Variants in RBM12B observed in about 807,000 individuals in gnomAD.
The protein encoded by RBM12B is RNA binding motif protein 12B.
RBM12B carries 10 observed loss-of-function variants against 34.3 expected under a neutral mutation model. The ratio of observed to expected loss-of-function variants is 0.29; its 90% CI spans 0.18 to 0.49. RBM12B has a LOEUF of 0.49. Ranked by LOEUF, RBM12B falls within the 20% of genes least tolerant of loss-of-function variation. The probability of loss-of-function intolerance (pLI) is 0.99; values close to 1 mark genes in which losing one functional copy is unlikely to be tolerated. For synonymous variants in RBM12B, 477 were observed against 437.1 expected, an observed-to-expected ratio of 1.09 and a Z score of -1.14; for missense variants, 1,139 against 1,262.7, an observed-to-expected ratio of 0.90 and a Z score of 1.48.
chr8:93,733,347 T>C lies in RBM12B; in HGVS notation c.*58A>G. On this transcript the variant is annotated 3_prime_UTR_variant, in exon 4 of 4. Transcript: ENST00000520560. ...AAAAAAAACACTTTTTTAAAACAAA[T>C]GTATTTTACTCCATCAATACTGCAA... 1 of 1,336,262 alleles carries C rather than the reference T, an allele frequency of 7.5e-7. No homozygotes were observed. The highest frequency in any genetic ancestry group is 2.5e-5 in the East Asian group (1 of 40,418). 82.8% of individuals were successfully genotyped at this position (1,336,262 alleles called of 1,614,324 possible). A position where few individuals can be genotyped will look rare whatever the true frequency, so the allele number is the denominator to read the frequency against.
intron 2 of RBM12B, among the ~76,000 whole-genome samples, chr8:93,739,479 G>T (rs1812124844): frequency 6.6e-6 from 1 of 152,184 alleles, no homozygotes; most frequent in South Asian, 2.1e-4. Context: ...AGACAGTAGG[G>T]TAATGTACCA....
chr8:93,728,731 AAAACTT>A lies in RBM12B; in HGVS notation c.*4668_*4673del, dbSNP rs1171748088. On this transcript the variant is annotated 3_prime_UTR_variant, in exon 4 of 4. Transcript: ENST00000520560. Reference sequence around the variant, plus strand: ...TCTATTCCATGAAGCCTTAAGAAAAAAAACTTTTTTTAACTTTCCCTGAAACTTTAT... The same window carrying A: ...TCTATTCCATGAAGCCTTAAGAAAAATTTTTAACTTTCCCTGAAACTTTAT... 6.6e-6 allele frequency: 1 copy of A among 152,186 alleles called. No homozygotes were observed. The highest frequency in any genetic ancestry group is 1.5e-5 in the Non-Finnish European group (1 of 68,052). The allele number at this position is 152,186 out of a possible 1,614,324, so 9.4% of individuals were successfully genotyped here. A position where few individuals can be genotyped will look rare whatever the true frequency, so the allele number is the denominator to read the frequency against.
In RBM12B at chr8:93,733,259, T is replaced by C. The variant is rs1811853197; in HGVS notation, c.*146A>G. ...CAAGCAAAAGAAAACCAGATTCACA[T>C]TCTACTATTTACATTTGTTCTATTC... On this transcript the variant is annotated 3_prime_UTR_variant, in exon 4 of 4. Transcript: ENST00000520560. 1.9e-6 allele frequency: 1 copy of C among 526,174 alleles called. No homozygotes were observed. Among genetic ancestry groups the C allele is most frequent in the Admixed American group, 4.2e-5 (1 of 23,642 alleles). 32.6% of individuals were successfully genotyped at this position (526,174 alleles called of 1,614,324 possible). A position where few individuals can be genotyped will look rare whatever the true frequency, so the allele number is the denominator to read the frequency against.
At position 93,731,335 on chromosome 8, in the gene RBM12B, T is replaced by C. The variant is rs930005867; in HGVS notation, c.*2070A>G. On this transcript the variant is annotated 3_prime_UTR_variant, in exon 4 of 4. Transcript: ENST00000520560. ...GAAGCATTTTTTAACTTTCCATATA[T>C]TATTCAAAATGGGTGACCAAATGAA... 2.6e-5 allele frequency: 4 copies of C among 152,186 alleles called. No individual in the cohort carries two copies. Among genetic ancestry groups the C allele is most frequent in the Admixed American group, 1.3e-4 (2 of 15,276 alleles). The allele number at this position is 152,186 out of a possible 1,614,324, so 9.4% of individuals were successfully genotyped here.
At chr8:93,736,481 A>G in intron 3 of RBM12B, 43 bp from the exon 4 acceptor site, 1 of 1,457,330 alleles carries the variant, frequency 6.9e-7, no homozygotes, top group Non-Finnish European at 9.1e-7. Flanking sequence ...CTTATTTTTG[A>G]AGTACCTTAG....
rs951951559 is a variant in RBM12B at position 93,735,454 on chromosome 8, T to C, written c.957A>G (p.Lys319=). 6.2e-7 allele frequency: 1 copy of C among 1,613,406 alleles called. No homozygotes were observed. Among genetic ancestry groups the C allele is most frequent in the Non-Finnish European group, 8.5e-7 (1 of 1,179,740 alleles). The change falls in exon 4 of 4, where the codon AAA becomes AAG. Residue 319 remains lysine, a synonymous_variant. Transcript: ENST00000520560. ...AGGCATATCTTGTTCTATTTTCATC[T>C]TTATATAAAAACCTAATCTGTTCAT... ...LTDEQIRFLY[K]DENRTRYAFV...
chr8:93,740,063 C>G (rs1408784829), intron 2 of RBM12B: 2 of 325,070 alleles, frequency 6.2e-6, no homozygotes, highest in East Asian at 1.6e-4. Context: ...TTCGTAAAGC[C>G]CAAGGTCATG....
rs1337644796 is a variant in RBM12B at position 93,734,043 on chromosome 8, G to A, written c.2368C>T (p.Pro790Ser). ...RRPPQEHFRR[P>S]PQEHFRRSRE... is the part of the protein sequence containing the mutation. ...GAGCGCCTGAAATGCTCCTGAGGCG[G>A]CCGCCTGAAATGCTCCTGGGGCGGT... Residue 790 changes from proline to serine, a missense_variant, in exon 4 of 4, where the codon CCG (proline) becomes TCG (serine). By Grantham distance (74) the Pro-to-Ser change is moderately conservative (BLOSUM62 -1). Coordinates refer to ENST00000520560, the MANE Select transcript of RBM12B (RefSeq NM_001377960.1). 2 of 1,594,318 alleles carry A rather than the reference G, an allele frequency of 1.3e-6. No homozygotes were observed. Among genetic ancestry groups the A allele is most frequent in the Admixed American group, 3.7e-5 (2 of 53,906 alleles).
At position 93,728,196 on chromosome 8, in the gene RBM12B, T is replaced by C. The variant is rs1811622021; in HGVS notation, c.*5209A>G. ...TTTTTATTTTAAAAAGTGTGTTAAC[T>C]TTTAACAGGTATCCACTTGTCGACT... On this transcript the variant is annotated 3_prime_UTR_variant, in exon 4 of 4. Coordinates refer to ENST00000520560, the MANE Select transcript of RBM12B (RefSeq NM_001377960.1). The C allele has an allele frequency of 6.6e-7, 1 of 1,526,594 alleles. No homozygotes were observed. Among genetic ancestry groups the C allele is most frequent in the Non-Finnish European group, 8.8e-7 (1 of 1,141,412 alleles). 94.6% of individuals were successfully genotyped at this position (1,526,594 alleles called of 1,614,324 possible).
chr8:93,734,276 TCAGGGG>T lies in RBM12B; in HGVS notation c.2129_2134del (p.Ser710_Glu712delinsTer). The T allele has an allele frequency of 6.2e-7, 1 of 1,613,254 alleles. No individual in the cohort carries two copies. Among genetic ancestry groups the T allele is most frequent in the Middle Eastern group, 1.7e-4 (1 of 6,060 alleles). ...CTGGGGTGACTGCCTGAAGTCCTCC[TCAGGGG>T]AATGCCTGAAATCCTCCTCTGGGGG... is the stretch of plus-strand genomic sequence containing the variant. On this transcript the variant is annotated stop_gained and inframe_deletion, in exon 4 of 4. Transcript: ENST00000520560. LOFTEE classifies it high-confidence loss of function.
Position 93,734,122 on chromosome 8 carries a change from G to C in RBM12B, c.2289C>G (p.Phe763Leu). ...EHFRRPPPEHFRRPPPEHFRR... is the reference protein window; with the variant it reads ...EHFRRPPPEHLRRPPPEHFRR... ...TGAAATGCTCTGGGGGTGGCCGCCT[G>C]AAGTGCTCTGGGGGTGGCCGCCGGA... Residue 763 changes from phenylalanine (F) to leucine (L), a missense_variant, in exon 4 of 4, where the codon TTC (phenylalanine) becomes TTG (leucine). This residue lies in a region of RBM12B where 863 missense variants were observed against 869.5 expected (regional missense o/e 0.99). Coordinates refer to ENST00000520560, the MANE Select transcript of RBM12B (RefSeq NM_001377960.1). 5.1e-6 allele frequency: 8 copies of C among 1,557,738 alleles called. No homozygotes were observed. The highest frequency in any genetic ancestry group is 6.9e-6 in the Non-Finnish European group (8 of 1,153,504).
In RBM12B at chr8:93,733,179, G is replaced by T; in HGVS notation, c.*226C>A. The T allele has an allele frequency of 6.7e-6, 2 of 297,836 alleles. No homozygotes were observed. Among genetic ancestry groups the T allele is most frequent in the Non-Finnish European group, 1.2e-5 (2 of 167,190 alleles). The allele number at this position is 297,836 out of a possible 1,614,324, so 18.4% of individuals were successfully genotyped here. A position where few individuals can be genotyped will look rare whatever the true frequency, so the allele number is the denominator to read the frequency against. On this transcript the variant is annotated 3_prime_UTR_variant, in exon 4 of 4. Coordinates refer to ENST00000520560, the MANE Select transcript of RBM12B (RefSeq NM_001377960.1). ...GAATGAGTTCTTTCTCCCCATCAAA[G>T]AAAAAAACAGCATGTGTAATTTTAA...
In RBM12B at chr8:93,735,492, T is replaced by C; in HGVS notation, c.919A>G (p.Thr307Ala). 1 of 1,613,466 alleles carries C rather than the reference T, an allele frequency of 6.2e-7. No homozygotes were observed. Among genetic ancestry groups the C allele is most frequent in the Non-Finnish European group, 8.5e-7 (1 of 1,179,588 alleles). The change falls in exon 4 of 4, where the codon ACT becomes GCT. Residue 307 changes from threonine (T) to alanine (A), a missense_variant. Thr to Ala is a moderately conservative substitution (Grantham distance 58). This residue lies in a region of RBM12B where 863 missense variants were observed against 869.5 expected (regional missense o/e 0.99). Coordinates refer to ENST00000520560, the MANE Select transcript of RBM12B (RefSeq NM_001377960.1). ...ERDLRNFFRGTDLTDEQIRFL... is the reference protein window; with the variant it reads ...ERDLRNFFRGADLTDEQIRFL... ...CTAATCTGTTCATCAGTCAGATCAG[T>C]ACCTCTAAAGAAATTTCTTAAATCT...
chr8:93,728,211 A>C lies in RBM12B; in HGVS notation c.*5194T>G, dbSNP rs372914896. On this transcript the variant is annotated 3_prime_UTR_variant, in exon 4 of 4. Coordinates refer to ENST00000520560, the MANE Select transcript of RBM12B (RefSeq NM_001377960.1). ...GTGTGTTAACTTTTAACAGGTATCC[A>C]CTTGTCGACTAAGAAAGGATCAACA... 6.4e-7 allele frequency: 1 copy of C among 1,572,258 alleles called. No individual in the cohort carries two copies. The highest frequency in any genetic ancestry group is 1.4e-5 in the African/African-American group (1 of 72,412).
chr8:93,740,917 G>A lies in RBM12B; in HGVS notation c.-182C>T, dbSNP rs563458590. The stretch of plus-strand genomic sequence containing the variant: ...AGTCGGACACACAAGGCCGGAGGCT[G>A]AGGGAACTCTTCGTCGCAGCAGCCT... On this transcript the variant is annotated 5_prime_UTR_variant, in exon 1 of 4. Transcript: ENST00000520560. 7.4e-4 allele frequency: 175 copies of A among 235,098 alleles called. No homozygotes were observed. The highest frequency in any genetic ancestry group is 3.9e-3 in the African/African-American group (169 of 43,568). The allele number at this position is 235,098 out of a possible 1,614,324, so 14.6% of individuals were successfully genotyped here.
At chr8:93,740,822 C>A in intron 1 of RBM12B, 59 bp downstream of exon 1, 2 of 336,248 alleles carry the variant, frequency 5.9e-6, no homozygotes. Flanking sequence ...GGTCGCCCAG[C>A]CCTCCCCACC....
chr8:93,731,157 C>T lies in RBM12B; in HGVS notation c.*2248G>A, dbSNP rs1355886241. 1 of 152,186 alleles carries T rather than the reference C, an allele frequency of 6.6e-6. No individual in the cohort carries two copies. The highest frequency in any genetic ancestry group is 2.4e-5 in the African/African-American group (1 of 41,438). 9.4% of individuals were successfully genotyped at this position (152,186 alleles called of 1,614,324 possible). ...CCTGGCCAGCAGAACAAGACTCTGACTCTTAAAATAATAAAACTACAAAGC... is the reference window on the plus strand; with the variant it reads ...CCTGGCCAGCAGAACAAGACTCTGATTCTTAAAATAATAAAACTACAAAGC... On this transcript the variant is annotated 3_prime_UTR_variant, in exon 4 of 4. Coordinates refer to ENST00000520560, the MANE Select transcript of RBM12B (RefSeq NM_001377960.1).
intron 2 of RBM12B, among the ~76,000 whole-genome samples, chr8:93,737,651 T>C (rs143267026): frequency 2.6e-5 from 4 of 152,214 alleles, no homozygotes; most frequent in African/African-American, 9.6e-5. Flanking sequence ...GTGATGGAAA[T>C]GTTACATATT....
Position 93,740,887 on chromosome 8 carries a change from T to G in RBM12B, c.-152A>C, listed in dbSNP as rs1014796057. 3.7e-6 allele frequency: 1 copy of G among 270,724 alleles called. No homozygotes were observed. Among genetic ancestry groups the G allele is most frequent in the Non-Finnish European group, 7.3e-6 (1 of 136,576 alleles). 16.8% of individuals were successfully genotyped at this position (270,724 alleles called of 1,614,324 possible). The stretch of plus-strand genomic sequence containing the variant: ...CTTGGCAATAAACACACACCACTGC[T>G]GCCGAGTCGGACACACAAGGCCGGA... On this transcript the variant is annotated 5_prime_UTR_variant, in exon 1 of 4. Transcript: ENST00000520560.
Sources: gnomAD v4.1 joint callset for allele counts (sites outside exome capture counted in the v4.1 genomes callset) on GRCh38, gnomAD v4.1.1 for gene constraint, gnomAD v4.1.1 regional missense constraint, MANE v1.5 for transcripts, NCBI Gene and HGNC (gene_info 2026-07-23, HGNC 2026-07-21) for gene names.